The following ZFHX3 variants were observed in gnomAD, a reference collection of about 807,000 sequenced individuals.
ZFHX3 encodes zinc finger homeobox 3.
A neutral mutation model predicts 279.1 loss-of-function variants in ZFHX3; 42 were observed. The observed-to-expected ratio is 0.15, with a 90% CI of 0.12 to 0.19. The LOEUF is 0.19. Ranked by LOEUF, ZFHX3 falls within the 10% of genes least tolerant of loss-of-function variation. The pLI is 1.00. For missense variants in ZFHX3, 4,981 were observed against 4,754.0 expected (o/e 1.05, Z -1.40); for synonymous variants, 2,293 against 1,957.8 (o/e 1.17, Z -4.52).
chr16:73,355,188 A>G (rs1351682155), intron 3 of ZFHX3, among the ~76,000 whole-genome samples: 2 of 152,160 alleles, frequency 1.3e-5, no homozygotes, highest in African/African-American at 4.8e-5. Flanking sequence ...AGAACTTTAC[A>G]GAGGAACAGA....
intron 1 of ZFHX3, among the ~76,000 whole-genome samples, 155 bp from the exon 2 acceptor site, chr16:72,960,349 G>A (rs1464290167): frequency 6.6e-6 from 1 of 152,104 alleles, no homozygotes; most frequent in Non-Finnish European, 1.5e-5. Context: ...GGCGGGCCTG[G>A]GGACACTGCC....
chr16:73,770,480 G>C (rs1004965890), intron 1 of ZFHX3, among the ~76,000 whole-genome samples: 1 of 152,126 alleles, frequency 6.6e-6, no homozygotes, highest in Non-Finnish European at 1.5e-5. Flanking sequence ...AACCACCACA[G>C]AAATGAAAAC....
At chr16:73,241,730 C>A (rs764791694) in intron 5 of ZFHX3, among the ~76,000 whole-genome samples, 3 of 125,928 alleles carry the variant, frequency 2.4e-5, no homozygotes, top group African/African-American at 9.2e-5. Context: ...GCGGAGGTTG[C>A]GGTGAAGCAA....
At chr16:73,310,996 G>C (rs190244171) in intron 4 of ZFHX3, among the ~76,000 whole-genome samples, 2 of 152,308 alleles carry the variant, frequency 1.3e-5, no homozygotes, top group African/African-American at 4.8e-5. Context: ...ACCTTGCGAG[G>C]CCGAGGCAGG....
chr16:73,823,461 C>A (rs956327072), intron 1 of ZFHX3, among the ~76,000 whole-genome samples: 3 of 152,194 alleles, frequency 2.0e-5, no homozygotes, highest in Non-Finnish European at 2.9e-5. Context: ...AGGTTCAAAC[C>A]AATGCAGGAA....
At chr16:73,245,079 G>A (rs2013238342) in intron 5 of ZFHX3, among the ~76,000 whole-genome samples, 2 of 152,104 alleles carry the variant, frequency 1.3e-5, no homozygotes, top group South Asian at 4.1e-4. Context: ...AGGATGGGTG[G>A]TCAAACTCCA....
intron 7 of ZFHX3, chr16:72,809,704 G>A (rs989707067): frequency 6.6e-6 from 1 of 152,138 alleles, no homozygotes. Flanking sequence ...AATGCCTGGA[G>A]GTGATATGTC....
chr16:73,440,683 T>C (rs1380510989), intron 3 of ZFHX3, among the ~76,000 whole-genome samples: 3 of 152,190 alleles, frequency 2.0e-5, no homozygotes, highest in Non-Finnish European at 4.4e-5. Flanking sequence ...CAGCCACTAT[T>C]TTGGAAGAAG....
chr16:73,578,858 T>C (rs1008025424), intron 2 of ZFHX3, among the ~76,000 whole-genome samples: 4 of 152,306 alleles, frequency 2.6e-5, no homozygotes, highest in Admixed American at 2.0e-4. Context: ...TATGTCTATG[T>C]AAACCAAAAA....
chr16:73,890,130 G>A (rs1432668330), intron 1 of ZFHX3, among the ~76,000 whole-genome samples: 1 of 151,808 alleles, frequency 6.6e-6, no homozygotes, highest in Non-Finnish European at 1.5e-5. Context: ...CTTACTGGCA[G>A]GCAGAGCGAA....
intron 3 of ZFHX3, among the ~76,000 whole-genome samples, chr16:72,911,028 G>A (rs764320770): frequency 1.3e-5 from 2 of 152,166 alleles, no homozygotes; most frequent in African/African-American, 4.8e-5. Context: ...ACCATTCCTC[G>A]GCTGGGGTTT....
At chr16:73,167,208 CACTG>C (rs1227930251) in intron 5 of ZFHX3, among the ~76,000 whole-genome samples, 1 of 152,222 alleles carries the variant, frequency 6.6e-6, no homozygotes, top group Non-Finnish European at 1.5e-5. Context: ...TGATAAACAA[CACTG>C]AGTAATAGGA....
At chr16:73,711,253 G>C (rs772579929) in intron 1 of ZFHX3, among the ~76,000 whole-genome samples, 13 of 151,246 alleles carry the variant, frequency 8.6e-5, no homozygotes, top group African/African-American at 2.9e-4. Context: ...TCTCCAGAGA[G>C]GTGGGCCAAA....
chr16:73,614,932 G>C (rs1047058940), intron 2 of ZFHX3, among the ~76,000 whole-genome samples: 1 of 151,892 alleles, frequency 6.6e-6, no homozygotes. Flanking sequence ...GCTAATTTTT[G>C]TAGTTTTGGT....
At chr16:73,183,299 C>T (rs956674473) in intron 5 of ZFHX3, among the ~76,000 whole-genome samples, 2 of 152,138 alleles carry the variant, frequency 1.3e-5, no homozygotes, top group African/African-American at 4.8e-5. Flanking sequence ...GTGATATATG[C>T]ATGTAGGAAG....
intron 5 of ZFHX3, among the ~76,000 whole-genome samples, chr16:73,245,781 G>A (rs34201407): frequency 0.096 from 14,538 of 152,164 alleles, 776 homozygotes; most frequent in Admixed American, 0.12. Flanking sequence ...AGAGAGGGTA[G>A]CTGGGCCACA....
rs564896479 is a variant in ZFHX3 at position 73,638,902 on chromosome 16, G to A, written c.-1547+41278C>T. Among the ~76,000 whole-genome samples, 8 of 152,172 alleles carry A rather than the reference G, an allele frequency of 5.3e-5. No homozygotes were observed. In the South Asian group the frequency reaches 1.5e-3, roughly 28 times the overall value. On this transcript the variant is annotated intron_variant, in intron 2 of 17. Coordinates refer to the ZFHX3 transcript ENST00000641206. ...GAAGGCATCTGAAAGTAGGTCTTGG[G>A]GTATGGCTTTAATCTTGATGAGAGA...
chr16:73,473,897 G>T (rs1289348645), intron 2 of ZFHX3, among the ~76,000 whole-genome samples: 1 of 152,170 alleles, frequency 6.6e-6, no homozygotes, highest in South Asian at 2.1e-4. Flanking sequence ...AGAGCACTCC[G>T]TTGGCCAGGC....
chr16:72,786,365 ATTTTT>A lies in ZFHX3; in HGVS notation c.*794_*798del, dbSNP rs1014465629. The A allele has an allele frequency of 1.3e-5, 2 of 151,024 alleles. No homozygotes were observed. The highest frequency in any genetic ancestry group is 4.2e-4 in the South Asian group (2 of 4,782). 9.4% of individuals were successfully genotyped at this position (151,024 alleles called of 1,614,324 possible). On this transcript the variant is annotated 3_prime_UTR_variant, in exon 10 of 10. Transcript: ENST00000268489. ...TACAGAAAGTCAGTTTTTAAAACTT[ATTTTT>A]TTTAAGCTACAAGTCCTCAACACTC...
Sources: allele counts gnomAD v4.1 joint callset (sites outside exome capture counted in the v4.1 genomes callset), GRCh38; gene constraint gnomAD v4.1.1; transcripts MANE v1.5; gene names NCBI Gene and HGNC (gene_info 2026-07-23, HGNC 2026-07-21).